AP1S1: variants seen among roughly 807,000 people sequenced by gnomAD.
AP1S1 encodes the protein adaptor related protein complex 1 subunit sigma 1, also known as AP-1 complex subunit sigma-1A.
AP1S1 carries 13 observed loss-of-function variants against 23.9 expected under a neutral mutation model. That is an observed-to-expected ratio of 0.54 (90% confidence interval 0.35 to 0.86). AP1S1 has a LOEUF of 0.86. Among genes scored for constraint, AP1S1 ranks in the 40% least tolerant of loss-of-function variants. The probability of loss-of-function intolerance (pLI) is 0.01; values close to 1 mark genes in which losing one functional copy is unlikely to be tolerated. For synonymous variants in AP1S1, 84 were observed against 77.7 expected, an observed-to-expected ratio of 1.08 and a Z score of -0.43; for missense variants, 119 against 197.6, an observed-to-expected ratio of 0.60 and a Z score of 2.38.
Position 101,160,535 on chromosome 7 carries a change from G to T in AP1S1, c.446G>T (p.Arg149Leu). 1 of 1,612,066 alleles carries T rather than the reference G, an allele frequency of 6.2e-7. No individual in the cohort carries two copies. ...CTGCCTTAGGAGGATGAGTCGCCAC[G>T]GAGTGTGCTGGAGGAGATGGGTTTG... is the stretch of plus-strand genomic sequence containing the variant. ...DLLQEEDESP[R>L]SVLEEMGLA is the part of the protein sequence containing the mutation. Residue 149 changes from arginine (R) to leucine (L), a missense_variant, in exon 5 of 5, where the codon CGG (arginine) becomes CTG (leucine). Physicochemically the swap from Arg to Leu is moderately radical, Grantham distance 102. Transcript: ENST00000337619.
intron 4 of AP1S1, 43 bp from the exon 5 acceptor site, chr7:101,160,476 C>G: frequency 6.2e-7 from 1 of 1,606,136 alleles, no homozygotes; most frequent in Non-Finnish European, 8.5e-7. Flanking sequence ...CTGTCGGCCT[C>G]TCCTGGTGTC....
intron 2 of AP1S1, 85 bp downstream of exon 2, chr7:101,156,857 C>A: frequency 2.4e-6 from 3 of 1,245,562 alleles, no homozygotes; most frequent in South Asian, 2.1e-5. Context: ...TCCTGTAGGT[C>A]AGGGAGACCT....
rs762344510 is a variant in AP1S1 at position 101,160,616 on chromosome 7, A to G, written c.*50A>G. Reference sequence around the variant, plus strand: ...ATGGGGTCCTGGCAGCGTGGCGGGAACGGCTGCTTCTCCTCTGCCCAGGGC... The same window carrying G: ...ATGGGGTCCTGGCAGCGTGGCGGGAGCGGCTGCTTCTCCTCTGCCCAGGGC... On this transcript the variant is annotated 3_prime_UTR_variant, in exon 5 of 5. Transcript: ENST00000337619. 3.1e-6 allele frequency: 5 copies of G among 1,590,536 alleles called. No individual in the cohort carries two copies. The highest frequency in any genetic ancestry group is 4.3e-6 in the Non-Finnish European group (5 of 1,167,890).
intron 3 of AP1S1, 125 bp from the exon 4 acceptor site, chr7:101,158,934 A>C: frequency 7.7e-7 from 1 of 1,304,540 alleles, no homozygotes; most frequent in South Asian, 1.5e-5. Flanking sequence ...AAAAACTGAA[A>C]AAGCTGACCA....
At chr7:101,159,288 G>A (rs946466750) in intron 4 of AP1S1, 92 bp downstream of exon 4, 5 of 1,511,690 alleles carry the variant, frequency 3.3e-6, no homozygotes, top group East Asian at 5.0e-5. Context: ...CCTGCCCACC[G>A]TCGCCAAGGA....
At position 101,158,927 on chromosome 7, in the gene AP1S1, A is replaced by G. The variant is rs1427949565; in HGVS notation, c.292-132A>G. The stretch of plus-strand genomic sequence containing the variant: ...CTCTAACAAAATAACGAAACAAAAA[A>G]ACTGAAAAAGCTGACCAATGACTAA... On this transcript the variant is annotated intron_variant, in intron 3 of 4. Coordinates refer to ENST00000337619, the MANE Select transcript of AP1S1 (RefSeq NM_001283.5). 11 of 1,251,290 alleles carry G rather than the reference A, an allele frequency of 8.8e-6. No individual in the cohort carries two copies. The East Asian group carries it at 1.9e-4, about 22-fold the overall frequency. The allele number at this position is 1,251,290 out of a possible 1,614,324, so 77.5% of individuals were successfully genotyped here.
chr7:101,155,554 A>G (rs796812867), intron 1 of AP1S1, among the ~76,000 whole-genome samples: 46 of 152,306 alleles, frequency 3.0e-4, no homozygotes, highest in African/African-American at 1.1e-3. Context: ...CCCTAAAAGG[A>G]AGAAAAGTTA....
At chr7:101,159,964 GCACACACACACACCCTGGCGCGCACA>G (rs1288346730) in intron 4 of AP1S1, among the ~76,000 whole-genome samples, 2 of 142,882 alleles carry the variant, frequency 1.4e-5, no homozygotes, top group African/African-American at 5.4e-5. Flanking sequence ...TCCCACACAC[GCACACACACACACCCTGGCGCGCACA>G]CACACACACA....
chr7:101,156,508 G>A, intron 1 of AP1S1, 86 bp from the exon 2 acceptor site: 2 of 1,463,214 alleles, frequency 1.4e-6, no homozygotes, highest in African/African-American at 1.4e-5. Context: ...GGGGCTGGAT[G>A]TTGGAAGAAA....
intron 3 of AP1S1, among the ~76,000 whole-genome samples, chr7:101,158,136 G>A (rs112066382): frequency 1.6e-4 from 25 of 152,178 alleles, no homozygotes; most frequent in African/African-American, 6.0e-4. Context: ...GATTTGCATT[G>A]GAGTTTTCTG....
chr7:101,154,537 A>AGGGGAG lies in AP1S1; in HGVS notation c.3+26_3+31dup. On this transcript the variant is annotated intron_variant, in intron 1 of 4. Coordinates refer to ENST00000337619, the MANE Select transcript of AP1S1 (RefSeq NM_001283.5). ...AGGATGGTAGGCTGTGCGAAGAGGG[A>AGGGGAG]GGGGAGGGGGAAGCGAGGGGCGTGG... is the stretch of plus-strand genomic sequence containing the variant. 2 of 1,382,978 alleles carry AGGGGAG rather than the reference A, an allele frequency of 1.4e-6. No homozygotes were observed. Among genetic ancestry groups the AGGGGAG allele is most frequent in the South Asian group, 3.0e-5 (2 of 67,344 alleles). 85.7% of individuals were successfully genotyped at this position (1,382,978 alleles called of 1,614,324 possible).
At chr7:101,154,596 C>G in intron 1 of AP1S1, 79 bp downstream of exon 1, 1 of 1,500,682 alleles carries the variant, frequency 6.7e-7, no homozygotes, top group Non-Finnish European at 8.9e-7. Context: ...GGGCCGCCCT[C>G]GGGGTGAACC....
At chr7:101,158,957 T>G (rs1432002569) in intron 3 of AP1S1, 102 bp from the exon 4 acceptor site, 2 of 1,453,942 alleles carry the variant, frequency 1.4e-6, no homozygotes, top group African/African-American at 2.8e-5. Context: ...GACTAAGGCT[T>G]GGAGGTTGGG....
intron 3 of AP1S1, among the ~76,000 whole-genome samples, chr7:101,158,400 C>A (rs527824297): frequency 2.7e-4 from 41 of 152,252 alleles, no homozygotes; most frequent in African/African-American, 8.7e-4. Context: ...AGTGGCAGAG[C>A]CCTGCTTGGA....
rs748811118 is a variant in AP1S1 at position 101,160,739 on chromosome 7, C to T, written c.*173C>T. 1.3e-6 allele frequency: 1 copy of T among 785,246 alleles called. No individual in the cohort carries two copies. The highest frequency in any genetic ancestry group is 2.2e-6 in the Non-Finnish European group (1 of 458,320). 48.6% of individuals were successfully genotyped at this position (785,246 alleles called of 1,614,324 possible). The stretch of plus-strand genomic sequence containing the variant: ...CTTCAAACATTCCCTCCCTCCACCC[C>T]CTACCTCCACTTTCCCCTTTTCCCA... On this transcript the variant is annotated 3_prime_UTR_variant, in exon 5 of 5. Coordinates refer to ENST00000337619, the MANE Select transcript of AP1S1 (RefSeq NM_001283.5).
At chr7:101,160,456 C>G in intron 4 of AP1S1, 63 bp from the exon 5 acceptor site, 1 of 1,583,890 alleles carries the variant, frequency 6.3e-7, no homozygotes, top group Non-Finnish European at 8.6e-7. Flanking sequence ...TGACTGCTGT[C>G]TTGCCCACCC....
At chr7:101,155,558 AAAGTT>A (rs1197900270) in intron 1 of AP1S1, among the ~76,000 whole-genome samples, 2 of 152,214 alleles carry the variant, frequency 1.3e-5, no homozygotes, top group African/African-American at 2.4e-5. Flanking sequence ...AAAAGGAAGA[AAAGTT>A]AAAGAGAAAT....
Position 101,160,821 on chromosome 7 carries a change from T to G in AP1S1, c.*255T>G, listed in dbSNP as rs2116695816. The stretch of plus-strand genomic sequence containing the variant: ...ATGTGACCCAGATGGGGGTGCTATT[T>G]GGCTTTTATTCCCTGCCTTTGCAGA... On this transcript the variant is annotated 3_prime_UTR_variant, in exon 5 of 5. Transcript: ENST00000337619. The G allele has an allele frequency of 1.5e-6, 1 of 677,754 alleles. No individual in the cohort carries two copies. Among genetic ancestry groups the G allele is most frequent in the East Asian group, 2.9e-5 (1 of 35,068 alleles). 42.0% of individuals were successfully genotyped at this position (677,754 alleles called of 1,614,324 possible).
chr7:101,157,910 T>C (rs1315380204), intron 3 of AP1S1, among the ~76,000 whole-genome samples: 1 of 152,064 alleles, frequency 6.6e-6, no homozygotes, highest in Non-Finnish European at 1.5e-5. Flanking sequence ...CTCAGTCCCC[T>C]GAGGAGGTGG....
Sources: allele counts gnomAD v4.1 joint callset (sites outside exome capture counted in the v4.1 genomes callset), GRCh38; gene constraint gnomAD v4.1.1; transcripts MANE v1.5; gene names NCBI Gene and HGNC (gene_info 2026-07-23, HGNC 2026-07-21).